TASP1: variants seen among roughly 807,000 people sequenced by gnomAD.
TASP1 encodes the protein taspase 1.
A neutral mutation model predicts 56.6 loss-of-function variants in TASP1; 16 were observed. That is an observed-to-expected ratio of 0.28 (90% CI 0.19 to 0.43). TASP1 has a LOEUF of 0.43. Ranked by LOEUF, TASP1 falls within the 20% of genes least tolerant of loss-of-function variation. The pLI, the probability that TASP1 is intolerant of heterozygous loss-of-function variation, is 1.00. For synonymous variants in TASP1, 179 were observed against 184.2 expected (o/e 0.97, Z 0.23); for missense variants, 393 against 511.6 (o/e 0.77, Z 2.24).
chr20:13,559,350 A>G (rs1310260895), intron 7 of TASP1, among the ~76,000 whole-genome samples: 1 of 152,158 alleles, frequency 6.6e-6, no homozygotes, highest in Non-Finnish European at 1.5e-5. Flanking sequence ...CTGAAGGCAG[A>G]TACTACCCTC....
chr20:13,149,136 C>T, the TASP1 span, among the ~76,000 whole-genome samples: 3 of 152,160 alleles, frequency 2.0e-5, no homozygotes, highest in Middle Eastern at 3.2e-3. Context: ...GGAAACTCTC[C>T]AGAGGGCTAC....
chr20:13,488,951 G>C (rs913310861), intron 10 of TASP1, among the ~76,000 whole-genome samples: 3 of 152,074 alleles, frequency 2.0e-5, no homozygotes, highest in African/African-American at 7.2e-5. Flanking sequence ...AAACCTCCCT[G>C]CTGCTCTCAC....
the TASP1 span, among the ~76,000 whole-genome samples, chr20:13,377,094 A>G: frequency 2.0e-5 from 3 of 152,214 alleles, no homozygotes; most frequent in African/African-American, 7.2e-5. Flanking sequence ...TGCCCTGGCC[A>G]GAACTTCCAA....
chr20:13,527,192 A>G (rs1038896223), intron 10 of TASP1, among the ~76,000 whole-genome samples: 4 of 152,166 alleles, frequency 2.6e-5, no homozygotes, highest in African/African-American at 7.2e-5. Flanking sequence ...AGACAAACCA[A>G]GAGGGTTCCA....
chr20:13,562,915 ATGTGTGTG>A (rs199844282), intron 7 of TASP1, among the ~76,000 whole-genome samples: 14 of 128,680 alleles, frequency 1.1e-4, no homozygotes, highest in East Asian at 7.2e-4. Flanking sequence ...ACATATATAT[ATGTGTGTG>A]TGTGTGTGTG....
intron 12 of TASP1, among the ~76,000 whole-genome samples, chr20:13,420,232 T>C (rs1219353998): frequency 1.3e-5 from 2 of 152,206 alleles, no homozygotes; most frequent in Non-Finnish European, 2.9e-5. Flanking sequence ...TTATTCTCCC[T>C]ATAAATGTAG....
At chr20:13,400,438 T>TC (rs2041693794) in intron 13 of TASP1, among the ~76,000 whole-genome samples, 2 of 152,164 alleles carry the variant, frequency 1.3e-5, no homozygotes, top group African/African-American at 4.8e-5. Context: ...ATGGAAGAAA[T>TC]CAAAGAATTA....
the TASP1 span, among the ~76,000 whole-genome samples, chr20:13,135,730 A>T: frequency 6.6e-6 from 1 of 152,252 alleles, no homozygotes; most frequent in African/African-American, 2.4e-5. Flanking sequence ...GATTCTAGCT[A>T]TATGAACAGG....
intron 10 of TASP1, among the ~76,000 whole-genome samples, chr20:13,486,617 A>G (rs2043326414): frequency 2.6e-5 from 4 of 152,198 alleles, no homozygotes; most frequent in African/African-American, 9.6e-5. Context: ...GAAGTATCCC[A>G]GATAATAAAT....
chr20:13,299,457 T>G, the TASP1 span: 1 of 1,593,026 alleles, frequency 6.3e-7, no homozygotes, highest in Non-Finnish European at 8.5e-7. This position sits in a 1 kb window ranked among gnomAD's most constrained non-coding sequence, Gnocchi z 5.8. Context: ...CAGGGAATAT[T>G]AAAGAGACTG....
the TASP1 span, among the ~76,000 whole-genome samples, chr20:13,221,067 C>G: frequency 6.6e-6 from 1 of 152,110 alleles, no homozygotes; most frequent in Non-Finnish European, 1.5e-5. Flanking sequence ...GGAACCGGCC[C>G]TCCCCGGGAC....
At chr20:13,520,196 T>C (rs6109920) in intron 10 of TASP1, among the ~76,000 whole-genome samples, 37,093 of 151,926 alleles carry the variant, frequency 0.24, 4,635 homozygotes, top group Middle Eastern at 0.3. Context: ...GGCCATACTG[T>C]CCAAGGTAAT....
chr20:13,622,452 T>C (rs570775704), intron 4 of TASP1, among the ~76,000 whole-genome samples: 1 of 152,244 alleles, frequency 6.6e-6, no homozygotes, highest in South Asian at 2.1e-4. Context: ...TCTGAGAAAT[T>C]AAAATCTACA....
the TASP1 span, among the ~76,000 whole-genome samples, chr20:13,250,364 T>C: frequency 1.3e-5 from 2 of 152,262 alleles, no homozygotes; most frequent in African/African-American, 4.8e-5. Flanking sequence ...CGATTCAGCT[T>C]GCGGAGAATT....
the TASP1 span, among the ~76,000 whole-genome samples, chr20:13,311,243 TGATA>T: frequency 0.036 from 4,572 of 127,858 alleles, 77 homozygotes; most frequent in South Asian, 0.048. Flanking sequence ...GATAGATAGA[TGATA>T]GATAGATAGA....
chr20:13,228,949 A>G, the TASP1 span, among the ~76,000 whole-genome samples: 1 of 152,178 alleles, frequency 6.6e-6, no homozygotes, highest in Non-Finnish European at 1.5e-5. Flanking sequence ...AGTAAATATC[A>G]GATGCAAATG....
chr20:13,310,289 G>T, the TASP1 span, among the ~76,000 whole-genome samples: 1 of 152,184 alleles, frequency 6.6e-6, no homozygotes, highest in East Asian at 1.9e-4. Flanking sequence ...GTGGTCAACT[G>T]ATCTTTGACA....
intron 13 of TASP1, among the ~76,000 whole-genome samples, chr20:13,402,089 C>A (rs2041759165): frequency 6.6e-6 from 1 of 152,168 alleles, no homozygotes; most frequent in Non-Finnish European, 1.5e-5. Context: ...TTGCAAAGAT[C>A]TTACCCTACA....
intron 4 of TASP1, among the ~76,000 whole-genome samples, chr20:13,588,250 AAAGGAAGGAAGGAAGG>A (rs71334135): frequency 0.019 from 1,823 of 96,636 alleles, 41 homozygotes; most frequent in African/African-American, 0.058. Flanking sequence ...AGAAAGGAAG[AAAGGAAGGAAGGAAGG>A]AAGGAAGGAA....
Sources: allele counts gnomAD v4.1 joint callset (sites outside exome capture counted in the v4.1 genomes callset), GRCh38; gene constraint gnomAD v4.1.1; non-coding constraint Gnocchi (gnomAD v3.1); transcripts MANE v1.5; gene names NCBI Gene and HGNC (gene_info 2026-07-23, HGNC 2026-07-21).